Variants in WWOX observed in about 807,000 individuals in gnomAD.
WWOX encodes WW domain containing oxidoreductase.
In WWOX, 69 loss-of-function variants were observed where a neutral mutation model predicts 46.2. The observed-to-expected ratio is 1.49, with a 90% CI of 1.23 to 1.82. The LOEUF (loss-of-function observed/expected upper bound fraction) is 1.82, where lower values mean the gene tolerates loss of function less well. WWOX is among the 40% of genes most tolerant of loss of function. The probability of loss-of-function intolerance (pLI) is 0.00; values close to 1 mark genes in which losing one functional copy is unlikely to be tolerated. For missense variants in WWOX, 919 were observed against 542.6 expected (o/e 1.69, Z -6.89); for synonymous variants, 359 against 202.6 (o/e 1.77, Z -6.56).
At chr16:79,100,346 C>G (rs972460815) in intron 8 of WWOX, among the ~76,000 whole-genome samples, 1 of 152,066 alleles carries the variant, frequency 6.6e-6, no homozygotes, top group African/African-American at 2.4e-5. Context: ...TTTTTAAAAG[C>G]CTGAGAAACG....
At chr16:78,674,603 C>T (rs1056780823) in intron 8 of WWOX, among the ~76,000 whole-genome samples, 3 of 152,124 alleles carry the variant, frequency 2.0e-5, no homozygotes, top group African/African-American at 7.2e-5. Flanking sequence ...ATAGTTTACT[C>T]TTATTATTTT....
At chr16:78,853,411 C>T (rs1416893334) in intron 8 of WWOX, among the ~76,000 whole-genome samples, 1 of 152,006 alleles carries the variant, frequency 6.6e-6, no homozygotes. Flanking sequence ...CAGGGTTTTG[C>T]CACGTTAACC....
intron 8 of WWOX, among the ~76,000 whole-genome samples, chr16:78,741,917 A>G (rs2049237462): frequency 6.6e-6 from 1 of 152,152 alleles, no homozygotes; most frequent in African/African-American, 2.4e-5. Context: ...TTAGATAAAC[A>G]ATGGATAATT....
chr16:78,384,026 C>G (rs1754179146), intron 5 of WWOX, among the ~76,000 whole-genome samples: 1 of 152,188 alleles, frequency 6.6e-6, no homozygotes, highest in South Asian at 2.1e-4. Context: ...ACAGAGAAGA[C>G]TGGGCTAGTT....
At chr16:78,197,806 C>A (rs932629186) in intron 5 of WWOX, among the ~76,000 whole-genome samples, 1 of 152,150 alleles carries the variant, frequency 6.6e-6, no homozygotes, top group African/African-American at 2.4e-5. Flanking sequence ...AGGAGGTGAG[C>A]GACTTGCCCG....
chr16:78,921,692 A>T (rs1000718646), intron 8 of WWOX, among the ~76,000 whole-genome samples: 1 of 152,142 alleles, frequency 6.6e-6, no homozygotes, highest in Non-Finnish European at 1.5e-5. Flanking sequence ...TCTGAGTACT[A>T]ACTGTTAAAG....
Position 78,143,452 on chromosome 16 carries a change from A to C in WWOX, c.410-20731A>C, listed in dbSNP as rs546161606. 1.3e-5 allele frequency among the ~76,000 whole-genome samples: 2 copies of C among 152,156 alleles called. 1 individual carries two copies. The highest frequency in any genetic ancestry group is 2.9e-5 in the Non-Finnish European group (2 of 68,018). On this transcript the variant is annotated intron_variant, in intron 4 of 8. Coordinates refer to ENST00000566780, the MANE Select transcript of WWOX (RefSeq NM_016373.4). ...CACGTGGACCAAATCCAGCCCCCCGAGGCCCACTTTTGTAAATCAGGTTTT... is the reference window on the plus strand; with the variant it reads ...CACGTGGACCAAATCCAGCCCCCCGCGGCCCACTTTTGTAAATCAGGTTTT...
chr16:78,972,220 C>G (rs1016732525), intron 8 of WWOX, among the ~76,000 whole-genome samples: 5 of 152,054 alleles, frequency 3.3e-5, no homozygotes, highest in Non-Finnish European at 7.4e-5. Context: ...GAGGGGCGTT[C>G]AGACAAAGAG....
intron 5 of WWOX, among the ~76,000 whole-genome samples, chr16:78,184,290 G>A (rs1031524129): frequency 6.6e-6 from 1 of 152,178 alleles, no homozygotes; most frequent in Non-Finnish European, 1.5e-5. Flanking sequence ...TTGAATTTAC[G>A]GGGATGGGGT....
chr16:78,629,397 C>T (rs1051499596), intron 8 of WWOX, among the ~76,000 whole-genome samples: 2 of 152,200 alleles, frequency 1.3e-5, no homozygotes, highest in Non-Finnish European at 2.9e-5. Context: ...TTCTCACTGG[C>T]ATCTCTGCTT....
At chr16:79,153,384 T>C (rs2050319049) in intron 8 of WWOX, among the ~76,000 whole-genome samples, 1 of 152,164 alleles carries the variant, frequency 6.6e-6, no homozygotes, top group Non-Finnish European at 1.5e-5. Context: ...CCTCCTCTGC[T>C]GTGGGTACTT....
At chr16:78,250,803 A>G (rs1001014100) in intron 5 of WWOX, among the ~76,000 whole-genome samples, 25 of 152,132 alleles carry the variant, frequency 1.6e-4, no homozygotes, top group African/African-American at 5.1e-4. Context: ...CAGGAAAACC[A>G]TAACCACCTG....
At chr16:78,957,597 C>T (rs1419157761) in intron 8 of WWOX, among the ~76,000 whole-genome samples, 10 of 152,126 alleles carry the variant, frequency 6.6e-5, no homozygotes, top group South Asian at 6.2e-4. Flanking sequence ...AACTCAGTCA[C>T]GTTACTGAGG....
chr16:78,804,671 A>G (rs1242084387), intron 8 of WWOX, among the ~76,000 whole-genome samples: 2 of 152,202 alleles, frequency 1.3e-5, no homozygotes, highest in South Asian at 2.1e-4. Flanking sequence ...AAATTTAACT[A>G]TCACTTTCAA....
chr16:78,383,690 A>T (rs1486472547), intron 5 of WWOX, among the ~76,000 whole-genome samples: 1 of 152,188 alleles, frequency 6.6e-6, no homozygotes, highest in East Asian at 1.9e-4. Flanking sequence ...ACCCTAATTT[A>T]AAGGCTGCAT....
intron 8 of WWOX, among the ~76,000 whole-genome samples, chr16:79,033,346 C>G (rs1399298690): frequency 6.7e-6 from 1 of 148,232 alleles, no homozygotes; most frequent in Non-Finnish European, 1.5e-5. Context: ...ATTACATATA[C>G]ATAATATATA....
At chr16:78,520,874 G>C (rs2043333820) in intron 8 of WWOX, among the ~76,000 whole-genome samples, 1 of 152,116 alleles carries the variant, frequency 6.6e-6, no homozygotes, top group Non-Finnish European at 1.5e-5. Context: ...ATAGGCAAGA[G>C]ACGAATTTAC....
intron 8 of WWOX, among the ~76,000 whole-genome samples, chr16:79,031,756 A>G (rs564716318): frequency 1.1e-4 from 16 of 143,508 alleles, no homozygotes; most frequent in African/African-American, 3.5e-4. Context: ...CTTTCTTTCT[A>G]TATATATATA....
At chr16:78,401,291 G>A (rs1324458001) in intron 6 of WWOX, among the ~76,000 whole-genome samples, 1 of 152,152 alleles carries the variant, frequency 6.6e-6, no homozygotes, top group Non-Finnish European at 1.5e-5. Context: ...GGAAAAGACT[G>A]AATATTTTAA....
Sources: allele counts gnomAD v4.1 joint callset (sites outside exome capture counted in the v4.1 genomes callset), GRCh38; gene constraint gnomAD v4.1.1; transcripts MANE v1.5; gene names NCBI Gene and HGNC (gene_info 2026-07-23, HGNC 2026-07-21).